The following MIER1 variants were observed in gnomAD, a reference collection of about 807,000 sequenced individuals.
MIER1 encodes MIER1 transcriptional regulator, also known as mesoderm induction early response protein 1.
Under a neutral mutation model 75.7 loss-of-function variants are expected in MIER1, and 40 were observed. That is an observed-to-expected ratio of 0.53 (90% CI 0.41 to 0.69). The LOEUF (loss-of-function observed/expected upper bound fraction) is 0.69, where lower values mean the gene tolerates loss of function less well. Ranked by LOEUF, MIER1 falls within the 30% of genes least tolerant of loss-of-function variation. The probability of loss-of-function intolerance (pLI) is 0.00; values close to 1 mark genes in which losing one functional copy is unlikely to be tolerated. For synonymous variants in MIER1, 213 were observed against 223.4 expected (o/e 0.95, Z 0.42); for missense variants, 574 against 680.2 (o/e 0.84, Z 1.74).
chr1:66,957,314 C>T (rs1010973438), intron 4 of MIER1, among the ~76,000 whole-genome samples: 3 of 152,140 alleles, frequency 2.0e-5, no homozygotes, highest in Non-Finnish European at 4.4e-5. Flanking sequence ...CTGCCCAAGG[C>T]ACCATGGTGT....
At chr1:66,978,112 C>A (rs1403368613) in intron 12 of MIER1, among the ~76,000 whole-genome samples, 1 of 151,276 alleles carries the variant, frequency 6.6e-6, no homozygotes, top group East Asian at 1.9e-4. Context: ...AGAAGAATTG[C>A]TTGAACCCAG....
intron 3 of MIER1, among the ~76,000 whole-genome samples, chr1:66,941,311 A>AT (rs563500220): frequency 6.6e-6 from 1 of 152,026 alleles, no homozygotes; most frequent in South Asian, 2.1e-4. Flanking sequence ...CTGAAACTCA[A>AT]TTTTTTTTGA....
chr1:66,935,969 T>C (rs938784270), intron 2 of MIER1, among the ~76,000 whole-genome samples: 1 of 152,190 alleles, frequency 6.6e-6, no homozygotes, highest in Non-Finnish European at 1.5e-5. Context: ...CTTTTTGTTA[T>C]GAACAACTTT....
chr1:66,930,155 C>T, intron 2 of MIER1: 4 of 1,221,368 alleles, frequency 3.3e-6, no homozygotes, highest in Non-Finnish European at 4.1e-6. Context: ...GCCCCTGCTC[C>T]GGCGCGTGCT....
At position 66,986,608 on chromosome 1, in the gene MIER1, CCAATGTGAA is replaced by C. The variant is rs764550694; in HGVS notation, c.*1712_*1720del. Reference sequence around the variant, plus strand: ...CATATGTTCGGACTGCTTCCCTTCACCAATGTGAACAACTTTTTTTCCCAAACAGTGTTA... The same window carrying C: ...CATATGTTCGGACTGCTTCCCTTCACCAACTTTTTTTCCCAAACAGTGTTA... On this transcript the variant is annotated 3_prime_UTR_variant, in exon 14 of 14. Transcript: ENST00000401041. The C allele has an allele frequency of 2.0e-4, 136 of 695,600 alleles. No homozygotes were observed. The highest frequency in any genetic ancestry group is 2.7e-4 in the Non-Finnish European group (109 of 411,238). 43.1% of individuals were successfully genotyped at this position (695,600 alleles called of 1,614,324 possible).
intron 4 of MIER1, chr1:66,947,827 A>C: frequency 1.7e-6 from 1 of 590,832 alleles, no homozygotes; most frequent in Non-Finnish European, 2.1e-6. Context: ...TAGCCACACT[A>C]GCTGCTTTTG....
chr1:66,947,954 T>A, intron 4 of MIER1: 1 of 985,476 alleles, frequency 1.0e-6, no homozygotes, highest in Non-Finnish European at 1.2e-6. Context: ...CTCCTCAGAA[T>A]AGCAGCCTTT....
chr1:66,985,364 AT>A lies in MIER1; in HGVS notation c.*469del, dbSNP rs1276136391. Reference sequence around the variant, plus strand: ...TTCTTGAAATGTCTTTAAAACAGACATTTTTCTCACCAAACAGTTTGAGTAT... The same window carrying A: ...TTCTTGAAATGTCTTTAAAACAGACATTTTCTCACCAAACAGTTTGAGTAT... On this transcript the variant is annotated 3_prime_UTR_variant, in exon 14 of 14. Transcript: ENST00000401041. 3.0e-6 allele frequency: 3 copies of A among 985,082 alleles called. No individual in the cohort carries two copies. The African/African-American group carries it at 5.2e-5, about 17-fold the overall frequency. The allele number at this position is 985,082 out of a possible 1,614,324, so 61.0% of individuals were successfully genotyped here.
chr1:66,979,137 CT>C (rs1665374588), intron 12 of MIER1, among the ~76,000 whole-genome samples: 1 of 151,070 alleles, frequency 6.6e-6, no homozygotes, highest in Non-Finnish European at 1.5e-5. Flanking sequence ...AAGAATCATA[CT>C]TTTTTACTGA....
chr1:66,925,258 T>C (rs1429795310), intron 1 of MIER1, 163 bp downstream of exon 1: 3 of 983,620 alleles, frequency 3.0e-6, no homozygotes, highest in Admixed American at 6.1e-5. Flanking sequence ...AGAACGCGCC[T>C]GGCTTGCTCT....
chr1:66,974,478 A>G (rs1299239170), intron 11 of MIER1, among the ~76,000 whole-genome samples: 2 of 151,976 alleles, frequency 1.3e-5, no homozygotes, highest in African/African-American at 4.8e-5. Context: ...CTTGAATTAA[A>G]ACACTCTTAA....
chr1:66,971,593 G>T (rs1219859805), intron 9 of MIER1, 62 bp from the exon 10 acceptor site: 3 of 836,346 alleles, frequency 3.6e-6, no homozygotes, highest in African/African-American at 1.8e-5. Flanking sequence ...AAACTTTTAA[G>T]AAATTGTAGC....
intron 2 of MIER1, chr1:66,928,935 T>A: frequency 6.2e-7 from 1 of 1,608,936 alleles, no homozygotes; most frequent in African/African-American, 1.3e-5. Context: ...ACAGACTGTC[T>A]GTGGACTCTT....
intron 2 of MIER1, among the ~76,000 whole-genome samples, chr1:66,927,165 T>C (rs1652027169): frequency 1.3e-5 from 2 of 152,192 alleles, no homozygotes. Flanking sequence ...GAAGATTCAG[T>C]AAATTGCTTA....
chr1:66,986,716 A>G lies in MIER1; in HGVS notation c.*1816A>G, dbSNP rs889648600. On this transcript the variant is annotated 3_prime_UTR_variant, in exon 14 of 14. Coordinates refer to ENST00000401041, the MANE Select transcript of MIER1 (RefSeq NM_001077700.3). The stretch of plus-strand genomic sequence containing the variant: ...GTTACATACATATCTAAGTAAATCA[A>G]AGTTTTGGGTGGAAGTGTTGAGAAG... 5.5e-6 allele frequency: 2 copies of G among 365,994 alleles called. No individual in the cohort carries two copies. The highest frequency in any genetic ancestry group is 9.8e-6 in the Non-Finnish European group (2 of 204,578). 22.7% of individuals were successfully genotyped at this position (365,994 alleles called of 1,614,324 possible).
At chr1:66,946,611 C>A (rs1254478049) in intron 4 of MIER1, 7 of 1,015,508 alleles carry the variant, frequency 6.9e-6, no homozygotes, top group Non-Finnish European at 4.7e-6. Flanking sequence ...CTTTGTCCTT[C>A]CCCAGTTACC....
chr1:66,943,936 A>G (rs924257938), intron 3 of MIER1, among the ~76,000 whole-genome samples: 4 of 151,938 alleles, frequency 2.6e-5, no homozygotes, highest in African/African-American at 9.7e-5. Flanking sequence ...TTTGCCATCT[A>G]CTGGCTTTGT....
At chr1:66,959,069 G>T in intron 6 of MIER1, 86 bp downstream of exon 6, 1 of 1,108,280 alleles carries the variant, frequency 9.0e-7, no homozygotes, top group South Asian at 1.5e-5. Flanking sequence ...ACTGGTCTTT[G>T]AATTCATTTA....
At chr1:66,972,536 C>T (rs188306389) in intron 10 of MIER1, among the ~76,000 whole-genome samples, 72 of 151,846 alleles carry the variant, frequency 4.7e-4, no homozygotes, top group Admixed American at 2.4e-3. Context: ...AGAATTATCT[C>T]AGTGAAAGGG....
Sources: allele counts gnomAD v4.1 joint callset (sites outside exome capture counted in the v4.1 genomes callset), GRCh38; gene constraint gnomAD v4.1.1; transcripts MANE v1.5; gene names NCBI Gene and HGNC (gene_info 2026-07-23, HGNC 2026-07-21).